CPT1B: variants seen among roughly 807,000 people sequenced by gnomAD.
CPT1B encodes the protein carnitine O-palmitoyltransferase 1, muscle isoform.
CPT1B carries 57 observed loss-of-function variants against 92.7 expected under a neutral mutation model. The ratio of observed to expected loss-of-function variants is 0.62; its 90% CI spans 0.50 to 0.77. The LOEUF (loss-of-function observed/expected upper bound fraction) is 0.77. Among genes scored for constraint, CPT1B ranks in the 30% least tolerant of loss-of-function variants. The pLI is 0.00. For synonymous variants in CPT1B, 398 were observed against 383.5 expected, an observed-to-expected ratio of 1.04 and a Z score of -0.44; for missense variants, 983 against 1,017.4, an observed-to-expected ratio of 0.97 and a Z score of 0.46.
chr22:50,576,272 T>C lies in CPT1B; in HGVS notation c.625A>G (p.Lys209Glu). 2 of 1,614,088 alleles carry C rather than the reference T, an allele frequency of 1.2e-6. No homozygotes were observed. The highest frequency in any genetic ancestry group is 1.7e-6 in the Non-Finnish European group (2 of 1,180,026). Residue 209 changes from lysine to glutamate, a missense_variant, in exon 6 of 20, where the codon AAA becomes GAA. By Grantham distance (56) the Lys-to-Glu change is moderately conservative (BLOSUM62 1). Transcript: ENST00000312108. ...GGGGCAGTCTTGTCCTGGAATTCTTTGGCCAGCAACTCCATGCGGTAATAT... is the reference window on the plus strand; with the variant it reads ...GGGGCAGTCTTGTCCTGGAATTCTTCGGCCAGCAACTCCATGCGGTAATAT... ...EEYYRMELLAKEFQDKTAPRL... is the reference protein window; with the variant it reads ...EEYYRMELLAEEFQDKTAPRL...
At chr22:50,578,042 G>T in intron 1 of CPT1B, 108 bp from the exon 2 acceptor site, 3 of 681,454 alleles carry the variant, frequency 4.4e-6, no homozygotes, top group South Asian at 7.1e-5. Context: ...CCCACCCCGC[G>T]ACTAGCGGCT....
At chr22:50,577,592 C>T in intron 2 of CPT1B, 129 bp from the exon 3 acceptor site, 7 of 1,421,460 alleles carry the variant, frequency 4.9e-6, no homozygotes, top group South Asian at 2.7e-5. Context: ...TGTGCTCCTT[C>T]CTCCGCCACA....
intron 7 of CPT1B, 169 bp from the exon 8 acceptor site, chr22:50,574,769 A>C (rs944494891): frequency 3.3e-6 from 2 of 607,916 alleles, no homozygotes; most frequent in Non-Finnish European, 5.9e-6. Context: ...AACTGATCGC[A>C]GTAACCCTCT....
intron 2 of CPT1B, 136 bp from the exon 3 acceptor site, chr22:50,577,599 C>T: frequency 7.1e-7 from 1 of 1,412,534 alleles, no homozygotes; most frequent in Non-Finnish European, 9.6e-7. Context: ...CTTCCTCCGC[C>T]ACACCCACAG....
Position 50,573,072 on chromosome 22 carries a change from G to A in CPT1B, c.1167-12C>T, listed in dbSNP as rs750372020. On this transcript the variant is annotated splice_polypyrimidine_tract_variant and intron_variant, in intron 10 of 19. Coordinates refer to ENST00000312108, the MANE Select transcript of CPT1B (RefSeq NM_152246.3). This position sits in a 1 kb window ranked among gnomAD's most constrained non-coding sequence, Gnocchi z 5.0. ...GCGCCCACTCCACCCTGAAGCATGG[G>A]GCAGGGTAAGCAGTGGGCACGTGGA... 3.8e-6 allele frequency: 6 copies of A among 1,589,196 alleles called. No homozygotes were observed. Among genetic ancestry groups the A allele is most frequent in the Non-Finnish European group, 5.2e-6 (6 of 1,160,774 alleles).
rs371865628 is a variant in CPT1B at position 50,572,095 on chromosome 22, G to A, written c.1486C>T (p.Leu496=). 5 of 1,614,148 alleles carry A rather than the reference G, an allele frequency of 3.1e-6. No homozygotes were observed. The highest frequency in any genetic ancestry group is 4.2e-6 in the Non-Finnish European group (5 of 1,180,008). The part of the protein sequence containing the change: ...EFVLGTDSFH[L]GYTETGHCLG... ...CAGTGCCCGGTCTCCGTGTAGCCCA[G>A]GTGGAAGCTGTCTGTGCCCAGGACA... Residue 496 remains leucine (L), a synonymous_variant, in exon 13 of 20, where the codon CTG becomes TTG. Coordinates refer to ENST00000312108, the MANE Select transcript of CPT1B (RefSeq NM_152246.3).
chr22:50,571,106 G>T, intron 15 of CPT1B, 52 bp downstream of exon 15: 2 of 1,611,788 alleles, frequency 1.2e-6, no homozygotes, highest in Non-Finnish European at 1.7e-6. Flanking sequence ...AGGAGGCAGA[G>T]GGGGCACCTC....
rs748462473 is a variant in CPT1B at position 50,576,645 on chromosome 22, T to C, written c.460-8A>G. 27 of 1,609,500 alleles carry C rather than the reference T, an allele frequency of 1.7e-5. No homozygotes were observed. The Admixed American group carries it at 3.7e-4, about 22-fold the overall frequency. On this transcript the variant is annotated splice_region_variant and splice_polypyrimidine_tract_variant and intron_variant, in intron 4 of 19. Coordinates refer to ENST00000312108, the MANE Select transcript of CPT1B (RefSeq NM_152246.3). ...TAGAAGGCGGATACACATCTGGGGG[T>C]ACAGAGCAGAGTGCTGGGGTGGGAG...
In CPT1B at chr22:50,576,216, T is replaced by C. The variant is rs754601786; in HGVS notation, c.681A>G (p.Ser227=). The C allele has an allele frequency of 6.2e-7, 1 of 1,614,134 alleles. No homozygotes were observed. Among genetic ancestry groups the C allele is most frequent in the Admixed American group, 1.7e-5 (1 of 60,032 alleles). ...PRLQKYLVLK[S]WWASNYVSDW... Reference sequence around the variant, plus strand: ...AACTTACATAGTTACTTGCCCACCATGACTTGAGCACCAGGTATTTCTGCA... The same window carrying C: ...AACTTACATAGTTACTTGCCCACCACGACTTGAGCACCAGGTATTTCTGCA... The change falls in exon 6 of 20, where the codon TCA becomes TCG. Residue 227 remains serine (S), a synonymous_variant. Transcript: ENST00000312108.
rs1603443487 is a variant in CPT1B at position 50,576,197 on chromosome 22, C to T, written c.699+1G>A. 6.2e-7 allele frequency: 1 copy of T among 1,614,074 alleles called. No homozygotes were observed. The highest frequency in any genetic ancestry group is 1.6e-4 in the Middle Eastern group (1 of 6,062). ...CAGTGAGCCCAGGGGCAGGAACTTACATAGTTACTTGCCCACCATGACTTG... is the reference window on the plus strand; with the variant it reads ...CAGTGAGCCCAGGGGCAGGAACTTATATAGTTACTTGCCCACCATGACTTG... On this transcript the variant is annotated splice_donor_variant, in intron 6 of 19. Coordinates refer to ENST00000312108, the MANE Select transcript of CPT1B (RefSeq NM_152246.3). LOFTEE classifies it high-confidence loss of function.
intron 3 of CPT1B, 133 bp from the exon 4 acceptor site, chr22:50,577,167 G>A (rs999146694): frequency 7.3e-6 from 10 of 1,364,894 alleles, no homozygotes; most frequent in African/African-American, 2.9e-5. Context: ...TCAAATGAGC[G>A]GATGTAGGGC....
In CPT1B at chr22:50,570,277, C is replaced by T; in HGVS notation, c.2142+16G>A. On this transcript the variant is annotated intron_variant, in intron 17 of 19. Transcript: ENST00000312108. Reference sequence around the variant, plus strand: ...GGCCCTGGTGCTGCCCACCCACCCCCTTCAGGAGCACTCACAGGGCCAAAG... The same window carrying T: ...GGCCCTGGTGCTGCCCACCCACCCCTTTCAGGAGCACTCACAGGGCCAAAG... 1 of 1,544,858 alleles carries T rather than the reference C, an allele frequency of 6.5e-7. No individual in the cohort carries two copies. Among genetic ancestry groups the T allele is most frequent in the Non-Finnish European group, 8.8e-7 (1 of 1,139,818 alleles).
At chr22:50,574,192 A>G in intron 9 of CPT1B, 143 bp downstream of exon 9, 1 of 721,408 alleles carries the variant, frequency 1.4e-6, no homozygotes, top group Non-Finnish European at 2.4e-6. Context: ...GCCTGTAAAC[A>G]ATGGATGTCT....
In CPT1B at chr22:50,576,957, C is replaced by T. The variant is rs1412686966; in HGVS notation, c.359G>A (p.Gly120Asp). 6.2e-7 allele frequency: 1 copy of T among 1,614,110 alleles called. No homozygotes were observed. The highest frequency in any genetic ancestry group is 8.5e-7 in the Non-Finnish European group (1 of 1,180,030). Residue 120 changes from glycine (G) to aspartate (D), a missense_variant, in exon 4 of 20, where the codon GGC (glycine) becomes GAC (aspartate). By Grantham distance (94) the Gly-to-Asp change is moderately conservative. Coordinates refer to ENST00000312108, the MANE Select transcript of CPT1B (RefSeq NM_152246.3). ...AIFSTGVWVT[G>D]IFFFRQTLKL... ...CAGGGTTTGGCGGAAGAAGAAGATGCCCGTCACCCAGACGCCCGTGGAGAA... is the reference window on the plus strand; with the variant it reads ...CAGGGTTTGGCGGAAGAAGAAGATGTCCGTCACCCAGACGCCCGTGGAGAA...
intron 13 of CPT1B, 99 bp downstream of exon 13, chr22:50,571,907 A>G: frequency 8.8e-7 from 1 of 1,131,906 alleles, no homozygotes; most frequent in Non-Finnish European, 1.3e-6. Flanking sequence ...TGGGCCAGGC[A>G]GTGAGGCCAG....
At position 50,573,853 on chromosome 22, in the gene CPT1B, G is replaced by A. The variant is rs2070306319; in HGVS notation, c.971-138C>T. The A allele has an allele frequency of 1.3e-6, 1 of 776,216 alleles. No individual in the cohort carries two copies. Among genetic ancestry groups the A allele is most frequent in the Non-Finnish European group, 2.3e-6 (1 of 439,808 alleles). The allele number at this position is 776,216 out of a possible 1,614,324, so 48.1% of individuals were successfully genotyped here. A position where few individuals can be genotyped will look rare whatever the true frequency, so the allele number is the denominator to read the frequency against. On this transcript the variant is annotated intron_variant, in intron 9 of 19. Transcript: ENST00000312108. This position sits in a 1 kb window ranked among gnomAD's most constrained non-coding sequence, Gnocchi z 5.0. ...CCTGGGCCTTCCTGCCCCCTGGATGGGATCCGTGTGTCCTAAACCAGGCCC... is the reference window on the plus strand; with the variant it reads ...CCTGGGCCTTCCTGCCCCCTGGATGAGATCCGTGTGTCCTAAACCAGGCCC...
In CPT1B at chr22:50,576,315, G is replaced by A. The variant is rs752448284; in HGVS notation, c.582C>T (p.Pro194=). 5 of 1,613,944 alleles carry A rather than the reference G, an allele frequency of 3.1e-6. No homozygotes were observed. The highest frequency in any genetic ancestry group is 1.7e-5 in the Admixed American group (1 of 59,990). The change falls in exon 6 of 20, where the codon CCC becomes CCT. Residue 194 remains proline (P), a synonymous_variant. Coordinates refer to ENST00000312108, the MANE Select transcript of CPT1B (RefSeq NM_152246.3). ...GGTAATATTCCTCATCATCCAACAA[G>A]GGGCGCACAGACTCTAGGTACTGTC... is the stretch of plus-strand genomic sequence containing the variant. ...TIQRYLESVR[P]LLDDEEYYRM...
rs767187431 is a variant in CPT1B, at chr22:50,576,314, A to C, written c.583T>G (p.Leu195Val). The C allele has an allele frequency of 6.2e-7, 1 of 1,614,026 alleles. No homozygotes were observed. Among genetic ancestry groups the C allele is most frequent in the Non-Finnish European group, 8.5e-7 (1 of 1,180,006 alleles). The change falls in exon 6 of 20, where the codon TTG becomes GTG. Residue 195 changes from leucine (L) to valine (V), a missense_variant. Coordinates refer to ENST00000312108, the MANE Select transcript of CPT1B (RefSeq NM_152246.3). ...IQRYLESVRPLLDDEEYYRME... is the reference protein window; with the variant it reads ...IQRYLESVRPVLDDEEYYRME... ...CGGTAATATTCCTCATCATCCAACA[A>C]GGGGCGCACAGACTCTAGGTACTGT... is the stretch of plus-strand genomic sequence containing the variant.
At position 50,572,032 on chromosome 22, in the gene CPT1B, G is replaced by A. The variant is rs773375016; in HGVS notation, c.1549C>T (p.Arg517Trp). 1.1e-5 allele frequency: 18 copies of A among 1,614,002 alleles called. No individual in the cohort carries two copies. Among genetic ancestry groups the A allele is most frequent in the African/African-American group, 4.0e-5 (3 of 74,936 alleles). Residue 517 changes from arginine (R) to tryptophan (W), a missense_variant, in exon 13 of 20, where the codon CGG becomes TGG. Arg to Trp is a moderately radical substitution (Grantham distance 101). Coordinates refer to ENST00000312108, the MANE Select transcript of CPT1B (RefSeq NM_152246.3). ...KPNPALAPPT[R>W]LQWDIPKQCQ... ...TGTTTTGGAATGTCCCACTGCAGCCGTGTAGGAGGTGCGAGCGCAGGGTTC... is the reference window on the plus strand; with the variant it reads ...TGTTTTGGAATGTCCCACTGCAGCCATGTAGGAGGTGCGAGCGCAGGGTTC...
Sources: gnomAD v4.1 joint callset for allele counts on GRCh38, gnomAD v4.1.1 for gene constraint, Gnocchi (gnomAD v3.1) non-coding constraint, MANE v1.5 for transcripts, NCBI Gene and HGNC (gene_info 2026-07-23, HGNC 2026-07-21) for gene names.